The following PIWIL2 variants were observed in gnomAD, a reference collection of about 807,000 sequenced individuals.
The protein encoded by PIWIL2 is piwi like RNA-mediated gene silencing 2.
PIWIL2 carries 81 observed loss-of-function variants against 116.5 expected under a neutral mutation model. The ratio of observed to expected loss-of-function variants is 0.70; its 90% CI spans 0.58 to 0.84. The LOEUF is 0.84. Among genes scored for constraint, PIWIL2 ranks in the 40% least tolerant of loss-of-function variants. The pLI is 0.00. For synonymous variants in PIWIL2, 489 were observed against 429.5 expected, an observed-to-expected ratio of 1.14 and a Z score of -1.71; for missense variants, 1,272 against 1,212.3, an observed-to-expected ratio of 1.05 and a Z score of -0.73.
At chr8:22,305,167 A>ATATTTATT (rs1340734968) in intron 12 of PIWIL2, among the ~76,000 whole-genome samples, 34 of 113,000 alleles carry the variant, frequency 3.0e-4, no homozygotes, top group South Asian at 1.8e-3. Context: ...AAAGGTATAG[A>ATATTTATT]TATTCATTTA....
intron 20 of PIWIL2, among the ~76,000 whole-genome samples, chr8:22,330,646 G>A (rs928341356): frequency 6.6e-5 from 10 of 150,948 alleles, no homozygotes; most frequent in Admixed American, 6.0e-4. Context: ...GCAGTGAGCC[G>A]AGATCATGCC....
chr8:22,316,156 G>A, intron 18 of PIWIL2, 89 bp from the exon 19 acceptor site: 1 of 757,612 alleles, frequency 1.3e-6, no homozygotes, highest in Admixed American at 2.0e-5. Context: ...GTAAGGGGAG[G>A]TTGCTTTGGG....
At chr8:22,285,461 C>T (rs1481378527) in intron 6 of PIWIL2, among the ~76,000 whole-genome samples, 1 of 152,172 alleles carries the variant, frequency 6.6e-6, no homozygotes, top group African/African-American at 2.4e-5. Context: ...TTTATCCATT[C>T]AGTGGACACT....
chr8:22,340,490 T>A (rs766623354), intron 20 of PIWIL2, among the ~76,000 whole-genome samples: 5 of 150,962 alleles, frequency 3.3e-5, no homozygotes, highest in Non-Finnish European at 5.9e-5. Context: ...TAAGATGAGG[T>A]AAGACCAGAT....
At chr8:22,309,430 C>T (rs1164986832) in intron 14 of PIWIL2, among the ~76,000 whole-genome samples, 4 of 152,044 alleles carry the variant, frequency 2.6e-5, no homozygotes, top group South Asian at 2.1e-4. Flanking sequence ...AGCCTCCTCC[C>T]GGATTCAAGT....
chr8:22,346,797 A>G (rs1418630980), intron 20 of PIWIL2, among the ~76,000 whole-genome samples: 6 of 152,202 alleles, frequency 3.9e-5, no homozygotes, highest in Non-Finnish European at 8.8e-5. Context: ...CTGTAGGCGC[A>G]GCTACTCAGG....
intron 20 of PIWIL2, among the ~76,000 whole-genome samples, chr8:22,351,150 C>CA (rs978892452): frequency 5.4e-5 from 8 of 148,162 alleles, no homozygotes; most frequent in Admixed American, 2.0e-4. Context: ...GACTCTGTTT[C>CA]AAAAAAAAAT....
chr8:22,312,265 C>CAA (rs56133501), intron 16 of PIWIL2, among the ~76,000 whole-genome samples: 6 of 130,108 alleles, frequency 4.6e-5, no homozygotes, highest in African/African-American at 1.8e-4. Flanking sequence ...ACCTTTTCTC[C>CAA]AAAAAAAAAA....
At chr8:22,319,774 G>A (rs1831551503) in intron 20 of PIWIL2, among the ~76,000 whole-genome samples, 1 of 152,296 alleles carries the variant, frequency 6.6e-6, no homozygotes, top group South Asian at 2.1e-4. Context: ...AAGACAGAGT[G>A]CTGGTGGAAG....
chr8:22,324,861 A>G (rs1163700180), intron 20 of PIWIL2, among the ~76,000 whole-genome samples: 1 of 152,214 alleles, frequency 6.6e-6, no homozygotes, highest in African/African-American at 2.4e-5. Flanking sequence ...GAGAACACCT[A>G]TCTGTAAGCC....
rs924114888 is a variant in PIWIL2 at position 22,326,014 on chromosome 8, C to G, written c.2403+7739C>G. 9.9e-5 allele frequency among the ~76,000 whole-genome samples: 15 copies of G among 152,122 alleles called. No homozygotes were observed. In the East Asian group the frequency reaches 1.3e-3, roughly 14 times the overall value. On this transcript the variant is annotated intron_variant, in intron 20 of 22. Transcript: ENST00000356766. Reference sequence around the variant, plus strand: ...AAGAACAGTTGTTGATAGTGCTTCACAGGGTTCAAGAGGAACATGTAGAAT... The same window carrying G: ...AAGAACAGTTGTTGATAGTGCTTCAGAGGGTTCAAGAGGAACATGTAGAAT...
At chr8:22,341,468 A>G (rs4556088) in intron 20 of PIWIL2, among the ~76,000 whole-genome samples, 100,906 of 151,466 alleles carry the variant, frequency 0.67, 35,004 homozygotes, top group East Asian at 0.86. Flanking sequence ...GGTGGTGCAT[A>G]CCTGTAATCC....
chr8:22,321,862 C>T (rs772995946), intron 20 of PIWIL2: 46 of 984,990 alleles, frequency 4.7e-5, no homozygotes, highest in Non-Finnish European at 5.3e-5. Context: ...CAGTAACCAC[C>T]GGAAGTTCCA....
intron 6 of PIWIL2, among the ~76,000 whole-genome samples, chr8:22,285,304 A>G (rs1305306531): frequency 6.6e-6 from 1 of 152,182 alleles, no homozygotes; most frequent in Non-Finnish European, 1.5e-5. Context: ...GATTCCATAT[A>G]TGAGTGAGAT....
chr8:22,346,034 T>A lies in PIWIL2; in HGVS notation c.2404-6925T>A, dbSNP rs145405217. The stretch of plus-strand genomic sequence containing the variant: ...GGTGATGGTTTCAAAATTCTGAAAG[T>A]AATAAAAAACCATTTAATTGTATAG... On this transcript the variant is annotated intron_variant, in intron 20 of 22. Transcript: ENST00000356766. Among the ~76,000 whole-genome samples, 583 of 152,188 alleles carry A rather than the reference T, an allele frequency of 3.8e-3. 5 individuals are homozygous for A. Among genetic ancestry groups the A allele is most frequent in the African/African-American group, 0.014 (562 of 41,538 alleles).
In PIWIL2 at chr8:22,275,370, G is replaced by C. The variant is rs530443823; in HGVS notation, c.-75G>C. On this transcript the variant is annotated 5_prime_UTR_variant, in exon 1 of 23. Transcript: ENST00000356766. ...TCTTCCCCTGAGGCCGCGCGGAGCT[G>C]GGCGACTGGGGCGAGGACTCGCGCA... The C allele has an allele frequency of 6.6e-6, 1 of 152,578 alleles. No individual in the cohort carries two copies. The highest frequency in any genetic ancestry group is 1.9e-4 in the East Asian group (1 of 5,200). The allele number at this position is 152,578 out of a possible 1,614,324, so 9.5% of individuals were successfully genotyped here. A position where few individuals can be genotyped will look rare whatever the true frequency, so the allele number is the denominator to read the frequency against.
chr8:22,277,018 G>GAT (rs79136424), intron 1 of PIWIL2, among the ~76,000 whole-genome samples: 59 of 141,628 alleles, frequency 4.2e-4, no homozygotes, highest in Middle Eastern at 3.6e-3. Context: ...GTTATAAAGT[G>GAT]ATATATATAT....
At chr8:22,307,036 T>C (rs531678431) in intron 13 of PIWIL2, among the ~76,000 whole-genome samples, 3 of 152,330 alleles carry the variant, frequency 2.0e-5, no homozygotes, top group Admixed American at 6.5e-5. Context: ...CCATGACAAG[T>C]TCTGGGCAAA....
intron 20 of PIWIL2, among the ~76,000 whole-genome samples, chr8:22,337,040 A>G (rs985528909): frequency 4.6e-5 from 7 of 152,340 alleles, no homozygotes; most frequent in South Asian, 4.1e-4. Context: ...CTGAAATTTC[A>G]GAATTAGACC....
Sources: gnomAD v4.1 joint callset for allele counts (sites outside exome capture counted in the v4.1 genomes callset) on GRCh38, gnomAD v4.1.1 for gene constraint, MANE v1.5 for transcripts, NCBI Gene and HGNC (gene_info 2026-07-23, HGNC 2026-07-21) for gene names.